CPVL: variants seen among roughly 807,000 people sequenced by gnomAD.
The protein encoded by CPVL is probable serine carboxypeptidase CPVL.
Under a neutral mutation model 63.7 loss-of-function variants are expected in CPVL, and 51 were observed. The observed-to-expected ratio is 0.80, with a 90% CI of 0.64 to 1.01. The LOEUF is 1.01. Among genes scored for constraint, CPVL ranks in the 50% least tolerant of loss-of-function variants. CPVL has a pLI of 0.00. For synonymous variants in CPVL, 195 were observed against 206.0 expected (o/e 0.95, Z 0.46); for missense variants, 530 against 573.1 (o/e 0.92, Z 0.77).
At chr7:28,997,999 C>T (rs73088035) in intron 12 of CPVL, among the ~76,000 whole-genome samples, 13,850 of 152,250 alleles carry the variant, frequency 0.091, 740 homozygotes, top group Middle Eastern at 0.16. Flanking sequence ...AACCCATCTA[C>T]CATTTGTGTA....
intron 3 of CPVL, among the ~76,000 whole-genome samples, chr7:29,099,800 G>A (rs1195481694): frequency 1.3e-5 from 2 of 152,210 alleles, no homozygotes; most frequent in Non-Finnish European, 2.9e-5. Context: ...GTGAGCCGTG[G>A]AATTGGGAGC....
chr7:29,031,180 G>C (rs1787987236), intron 11 of CPVL, among the ~76,000 whole-genome samples: 1 of 152,026 alleles, frequency 6.6e-6, no homozygotes, highest in Non-Finnish European at 1.5e-5. Flanking sequence ...CTTTCTCTTG[G>C]GTATTGCTAA....
At chr7:29,081,753 A>G (rs973574516) in intron 7 of CPVL, among the ~76,000 whole-genome samples, 2 of 152,222 alleles carry the variant, frequency 1.3e-5, no homozygotes, top group African/African-American at 4.8e-5. Flanking sequence ...CCAGCTTTTC[A>G]GCATGAATGG....
At chr7:29,109,898 G>T (rs1373415250) in intron 3 of CPVL, among the ~76,000 whole-genome samples, 1 of 152,142 alleles carries the variant, frequency 6.6e-6, no homozygotes, top group Non-Finnish European at 1.5e-5. Flanking sequence ...TTAATGAAGG[G>T]GGTTTTCAGA....
intron 5 of CPVL, among the ~76,000 whole-genome samples, chr7:29,167,636 TGTAA>T (rs1796084465): frequency 6.6e-6 from 1 of 152,148 alleles, no homozygotes; most frequent in African/African-American, 2.4e-5. Flanking sequence ...GTCAAAAGTG[TGTAA>T]GTGTTTTTAT....
intron 5 of CPVL, among the ~76,000 whole-genome samples, chr7:29,170,236 G>A (rs2128723711): frequency 6.6e-6 from 1 of 152,242 alleles, no homozygotes; most frequent in South Asian, 2.1e-4. Context: ...TGGTGATACT[G>A]ATGAAACTCT....
chr7:29,000,474 C>T lies in CPVL; in HGVS notation c.1321-4592G>A, dbSNP rs117225044. Among the ~76,000 whole-genome samples, 1,210 of 151,136 alleles carry T rather than the reference C, an allele frequency of 8.0e-3. 26 individuals are homozygous for T. Among genetic ancestry groups the T allele is most frequent in the Middle Eastern group, 0.024 (7 of 294 alleles). On this transcript the variant is annotated intron_variant, in intron 12 of 12. Coordinates refer to ENST00000265394, the MANE Select transcript of CPVL (RefSeq NM_031311.5). ...ATGCAGGGGCATGAAACTGTGGGCACGTGCAGCAGAGGGATCACCGCAGAC... is the reference window on the plus strand; with the variant it reads ...ATGCAGGGGCATGAAACTGTGGGCATGTGCAGCAGAGGGATCACCGCAGAC...
At chr7:29,096,869 G>A (rs557087677) in intron 3 of CPVL, among the ~76,000 whole-genome samples, 12 of 151,558 alleles carry the variant, frequency 7.9e-5, no homozygotes, top group African/African-American at 2.9e-4. Context: ...CCTGTAATCC[G>A]AGCTACTTGG....
intron 6 of CPVL, 130 bp downstream of exon 6, chr7:29,092,493 C>A: frequency 1.6e-6 from 1 of 637,740 alleles, no homozygotes; most frequent in African/African-American, 1.8e-5. Context: ...GTGAAAATAT[C>A]CTTAAATTAT....
At chr7:29,095,048 C>G in intron 5 of CPVL, 36 bp downstream of exon 5, 1 of 1,524,790 alleles carries the variant, frequency 6.6e-7, no homozygotes, top group East Asian at 2.2e-5. Flanking sequence ...CAGGAGACGC[C>G]AGCACTGACA....
At chr7:29,140,605 T>C (rs1562789210) in intron 1 of CPVL, among the ~76,000 whole-genome samples, 2 of 152,068 alleles carry the variant, frequency 1.3e-5, no homozygotes. Context: ...ACAATGCAAA[T>C]CCTATTACTC....
At chr7:28,996,080 TAAAGC>T in intron 12 of CPVL, 198 bp from the exon 13 acceptor site, 1 of 492,980 alleles carries the variant, frequency 2.0e-6, no homozygotes, top group Non-Finnish European at 3.5e-6. Flanking sequence ...AGAAAAGTTT[TAAAGC>T]TTAGTTAATT....
At chr7:29,047,394 C>T (rs779415611) in intron 11 of CPVL, among the ~76,000 whole-genome samples, 43 of 152,104 alleles carry the variant, frequency 2.8e-4, no homozygotes, top group Non-Finnish European at 4.3e-4. Flanking sequence ...GCAAAATACT[C>T]TCGAAAGTCT....
chr7:29,000,319 C>T (rs1364305068), intron 12 of CPVL, among the ~76,000 whole-genome samples: 2 of 112,442 alleles, frequency 1.8e-5, no homozygotes, highest in East Asian at 6.2e-4. Context: ...GGGGAAGCTT[C>T]TTGGGGGTCT....
intron 5 of CPVL, among the ~76,000 whole-genome samples, chr7:29,179,478 TC>T (rs1176932145): frequency 6.6e-6 from 1 of 152,090 alleles, no homozygotes; most frequent in African/African-American, 2.4e-5. Context: ...TGCTAGAAAA[TC>T]CAGGAACCCA....
At chr7:29,066,942 T>G (rs537924448) in intron 9 of CPVL, among the ~76,000 whole-genome samples, 5 of 152,204 alleles carry the variant, frequency 3.3e-5, no homozygotes, top group African/African-American at 1.2e-4. Context: ...GGCTTGGAAA[T>G]GTATGGAATG....
chr7:29,193,533 A>T (rs1783170147), intron 1 of CPVL: 1 of 152,202 alleles, frequency 6.6e-6, no homozygotes, highest in South Asian at 2.1e-4. Context: ...CCTTTGATCT[A>T]ACAATTTCTC....
At chr7:29,053,817 C>G (rs1049806309) in intron 11 of CPVL, among the ~76,000 whole-genome samples, 9 of 148,530 alleles carry the variant, frequency 6.1e-5, no homozygotes, top group Non-Finnish European at 1.0e-4. Context: ...CTTTGGAAGG[C>G]TGAGGTGGGA....
intron 8 of CPVL, 133 bp from the exon 9 acceptor site, chr7:29,072,037 GCA>G (rs1316399121): frequency 1.9e-6 from 2 of 1,068,054 alleles, no homozygotes; most frequent in African/African-American, 1.6e-5. Flanking sequence ...ATAATTACAT[GCA>G]CACACACATA....
Sources: gnomAD v4.1 joint callset for allele counts (sites outside exome capture counted in the v4.1 genomes callset) on GRCh38, gnomAD v4.1.1 for gene constraint, MANE v1.5 for transcripts, NCBI Gene and HGNC (gene_info 2026-07-23, HGNC 2026-07-21) for gene names.